The following ZNF317 variants were observed in gnomAD, a reference collection of about 807,000 sequenced individuals.
ZNF317 encodes the protein KRAB-containing zinc finger protein 317.
ZNF317 carries 17 observed loss-of-function variants against 23.4 expected under a neutral mutation model. That is an observed-to-expected ratio of 0.73 (90% CI 0.50 to 1.09). ZNF317 has a LOEUF of 1.09. Ranked by LOEUF, ZNF317 falls within the 50% of genes least tolerant of loss-of-function variation. The pLI, the probability that ZNF317 is intolerant of heterozygous loss-of-function variation, is 0.00. For missense variants in ZNF317, 679 were observed against 796.7 expected (o/e 0.85, Z 1.78); for synonymous variants, 317 against 314.9 (o/e 1.01, Z -0.07).
intron 1 of ZNF317, among the ~76,000 whole-genome samples, chr19:9,144,391 G>A (rs1487376295): frequency 2.6e-5 from 4 of 152,142 alleles, no homozygotes; most frequent in Non-Finnish European, 5.9e-5. Context: ...TTTAGTTAAA[G>A]CATTTATTCT....
At chr19:9,146,487 G>T (rs867040983) in intron 1 of ZNF317, among the ~76,000 whole-genome samples, 3 of 150,826 alleles carry the variant, frequency 2.0e-5, no homozygotes, top group Admixed American at 6.6e-5. Flanking sequence ...AAGTGCAGTG[G>T]CATGATCTTG....
Position 9,160,702 on chromosome 19 carries a change from G to A in ZNF317, c.1057G>A (p.Val353Met), listed in dbSNP as rs1159496201. The change falls in exon 7 of 7, where the codon GTG (valine) becomes ATG (methionine). Residue 353 changes from valine (V) to methionine (M), a missense_variant. Physicochemically the swap from Val to Met is conservative, Grantham distance 21. Coordinates refer to ENST00000247956, the MANE Select transcript of ZNF317 (RefSeq NM_020933.5). This position sits in a 1 kb window ranked among gnomAD's most constrained non-coding sequence, Gnocchi z 6.8. ...FQHPSHLKEH[V>M]RNHTGEKPYA... ...GCACCCCTCCCACCTCAAAGAGCAC[G>A]TGAGGAATCACACGGGGGAGAAGCC... 5.6e-6 allele frequency: 9 copies of A among 1,613,888 alleles called. No homozygotes were observed. Among genetic ancestry groups the A allele is most frequent in the African/African-American group, 5.3e-5 (4 of 74,886 alleles).
rs570188916 is a variant in ZNF317, at chr19:9,158,045, G to A, written c.355G>A (p.Glu119Lys). Residue 119 changes from glutamate to lysine, a missense_variant, in exon 5 of 7, where the codon GAG (glutamate) becomes AAG (lysine). Coordinates refer to ENST00000247956, the MANE Select transcript of ZNF317 (RefSeq NM_020933.5). ...GCAGGAGGAGGAGCCGAGGACAGAGGAGAGGGGCGCTCACCAGGGCGCTTG... is the reference window on the plus strand; with the variant it reads ...GCAGGAGGAGGAGCCGAGGACAGAGAAGAGGGGCGCTCACCAGGGCGCTTG... ...LEQEEEPRTE[E>K]RGAHQGACAD... 1 of 1,551,472 alleles carries A rather than the reference G, an allele frequency of 6.4e-7. No homozygotes were observed. Among genetic ancestry groups the A allele is most frequent in the South Asian group, 1.2e-5 (1 of 84,040 alleles).
intron 1 of ZNF317, 83 bp downstream of exon 1, chr19:9,140,675 T>C (rs1262347884): frequency 1.7e-5 from 7 of 415,122 alleles, no homozygotes; most frequent in Non-Finnish European, 2.9e-5. Context: ...ACTAAGAGGG[T>C]ACGAGGGTCG....
intron 1 of ZNF317, 47 bp downstream of exon 1, chr19:9,140,639 C>T: frequency 2.2e-6 from 1 of 451,876 alleles, no homozygotes; most frequent in Non-Finnish European, 4.4e-6. Context: ...TTCCAGGGGT[C>T]ACGGGAGGCC....
In ZNF317 at chr19:9,162,381, C is replaced by G. The variant is rs1680240556; in HGVS notation, c.*948C>G. ...TCCATTTTTATGAATCTTGTGAGCACTTACGCTAGGAGAAATTTCTTTTAC... is the reference window on the plus strand; with the variant it reads ...TCCATTTTTATGAATCTTGTGAGCAGTTACGCTAGGAGAAATTTCTTTTAC... On this transcript the variant is annotated 3_prime_UTR_variant, in exon 7 of 7. Transcript: ENST00000247956. 1 of 152,074 alleles carries G rather than the reference C, an allele frequency of 6.6e-6. No individual in the cohort carries two copies. The highest frequency in any genetic ancestry group is 1.5e-5 in the Non-Finnish European group (1 of 68,028). 9.4% of individuals were successfully genotyped at this position (152,074 alleles called of 1,614,324 possible). A position where few individuals can be genotyped will look rare whatever the true frequency, so the allele number is the denominator to read the frequency against.
At chr19:9,154,524 AG>A (rs1192824194) in intron 1 of ZNF317, among the ~76,000 whole-genome samples, 2 of 152,060 alleles carry the variant, frequency 1.3e-5, no homozygotes, top group Non-Finnish European at 2.9e-5. Context: ...CCAGCATCGT[AG>A]GGATTTCTCC....
Position 9,155,914 on chromosome 19 carries a change from A to G in ZNF317, c.-92-11A>G, listed in dbSNP as rs752775269. Reference sequence around the variant, plus strand: ...CTTTCACTACTCCCGATGTTCTTTCATTTGCTACAGATGCCAGCTTGGAGA... The same window carrying G: ...CTTTCACTACTCCCGATGTTCTTTCGTTTGCTACAGATGCCAGCTTGGAGA... On this transcript the variant is annotated splice_polypyrimidine_tract_variant and intron_variant, in intron 1 of 6. Coordinates refer to ENST00000247956, the MANE Select transcript of ZNF317 (RefSeq NM_020933.5). The G allele has an allele frequency of 6.9e-6, 10 of 1,442,494 alleles. No individual in the cohort carries two copies. The highest frequency in any genetic ancestry group is 1.4e-5 in the African/African-American group (1 of 71,586). The allele number at this position is 1,442,494 out of a possible 1,614,324, so 89.4% of individuals were successfully genotyped here. A position where few individuals can be genotyped will look rare whatever the true frequency, so the allele number is the denominator to read the frequency against.
chr19:9,144,562 A>G (rs1417020744), intron 1 of ZNF317, among the ~76,000 whole-genome samples: 1 of 147,124 alleles, frequency 6.8e-6, no homozygotes, highest in African/African-American at 2.6e-5. Context: ...ATTCTTACCC[A>G]TGCTCATTCA....
intron 3 of ZNF317, 142 bp downstream of exon 3, chr19:9,156,890 G>T: frequency 9.5e-7 from 1 of 1,054,052 alleles, no homozygotes; most frequent in East Asian, 2.5e-5. Context: ...GGAATATTGG[G>T]GCTGTCCTGG....
intron 3 of ZNF317, 68 bp downstream of exon 3, chr19:9,156,816 T>G: frequency 6.4e-7 from 1 of 1,552,714 alleles, no homozygotes; most frequent in Non-Finnish European, 8.7e-7. Context: ...CAGTGCATGC[T>G]GGAATTCTTG....
rs774319090 is a variant in ZNF317, at chr19:9,160,578, C to T, written c.933C>T (p.Cys311=). The T allele has an allele frequency of 6.2e-7, 1 of 1,614,154 alleles. No individual in the cohort carries two copies. The highest frequency in any genetic ancestry group is 1.3e-5 in the African/African-American group (1 of 75,038). ...AGAGGCCTTACAAGTGTGATCAGTG[C>T]GGGAAGGCTTACGGCCGGAGCTGCC... The part of the protein sequence containing the change: ...TGERPYKCDQ[C]GKAYGRSCHL... Residue 311 remains cysteine, a synonymous_variant, in exon 7 of 7, where the codon TGC becomes TGT. Coordinates refer to ENST00000247956, the MANE Select transcript of ZNF317 (RefSeq NM_020933.5). This position sits in a 1 kb window ranked among gnomAD's most constrained non-coding sequence, Gnocchi z 6.8.
At chr19:9,152,819 A>G (rs2050747617) in intron 1 of ZNF317, among the ~76,000 whole-genome samples, 1 of 152,224 alleles carries the variant, frequency 6.6e-6, no homozygotes, top group African/African-American at 2.4e-5. Context: ...ATTGTCTTCC[A>G]TGACACCAGT....
chr19:9,142,144 TTG>T (rs1239278692), intron 1 of ZNF317, among the ~76,000 whole-genome samples: 1 of 152,148 alleles, frequency 6.6e-6, no homozygotes, highest in African/African-American at 2.4e-5. Context: ...AGGATTTAGG[TTG>T]TTTTTGTTAT....
intron 1 of ZNF317, among the ~76,000 whole-genome samples, chr19:9,140,943 T>C (rs2050623601): frequency 6.6e-6 from 1 of 152,202 alleles, no homozygotes; most frequent in African/African-American, 2.4e-5. Flanking sequence ...AATCACCTTC[T>C]TTCTGCGCTG....
At chr19:9,156,921 G>A (rs1376901223) in intron 3 of ZNF317, 173 bp downstream of exon 3, 2 of 805,994 alleles carry the variant, frequency 2.5e-6, no homozygotes, top group Non-Finnish European at 1.9e-6. Context: ...GTTAGGGGAA[G>A]TGATTTATGT....
intron 2 of ZNF317, 77 bp downstream of exon 2, chr19:9,156,118 G>T: frequency 6.5e-7 from 1 of 1,550,196 alleles, no homozygotes; most frequent in Non-Finnish European, 8.9e-7. Context: ...TGAAAGATAC[G>T]TACACCATAG....
rs1474590009 is a variant in ZNF317 at position 9,156,670 on chromosome 19, A to G, written c.84A>G (p.Lys28=). The G allele has an allele frequency of 6.2e-7, 1 of 1,614,136 alleles. No individual in the cohort carries two copies. The highest frequency in any genetic ancestry group is 2.2e-5 in the East Asian group (1 of 44,870). ...LQDSEFPVSS[K]DHSCPQNLDL... is the part of the protein sequence containing the mutation. The stretch of plus-strand genomic sequence containing the variant: ...ACTCAGAATTTCCTGTTTCTTCAAA[A>G]GACCATTCCTGTCCCCAGAATTTGG... Residue 28 remains lysine, a synonymous_variant, in exon 3 of 7, where the codon AAA becomes AAG. Coordinates refer to ENST00000247956, the MANE Select transcript of ZNF317 (RefSeq NM_020933.5).
intron 1 of ZNF317, among the ~76,000 whole-genome samples, chr19:9,153,276 C>T (rs987246414): frequency 9.2e-5 from 14 of 152,158 alleles, no homozygotes; most frequent in African/African-American, 3.4e-4. Context: ...ATTCTCCTGC[C>T]TCAGCCTCCC....
Sources: allele counts gnomAD v4.1 joint callset (sites outside exome capture counted in the v4.1 genomes callset), GRCh38; gene constraint gnomAD v4.1.1; non-coding constraint Gnocchi (gnomAD v3.1); transcripts MANE v1.5; gene names NCBI Gene and HGNC (gene_info 2026-07-23, HGNC 2026-07-21).